CACNA1C: variants seen among roughly 807,000 people sequenced by gnomAD.
CACNA1C encodes the protein calcium voltage-gated channel subunit alpha1 C, also known as voltage-dependent L-type calcium channel subunit alpha-1C.
In CACNA1C, 30 loss-of-function variants were observed where a neutral mutation model predicts 229.0. That is an observed-to-expected ratio of 0.13 (90% CI 0.10 to 0.18). The LOEUF (loss-of-function observed/expected upper bound fraction) is 0.18, where lower values mean the gene tolerates loss of function less well. Ranked by LOEUF, CACNA1C falls within the 10% of genes least tolerant of loss-of-function variation. The probability of loss-of-function intolerance (pLI) is 1.00; values close to 1 mark genes in which losing one functional copy is unlikely to be tolerated. For synonymous variants in CACNA1C, 1,114 were observed against 1,132.5 expected, an observed-to-expected ratio of 0.98 and a Z score of 0.33; for missense variants, 1,658 against 2,845.0, an observed-to-expected ratio of 0.58 and a Z score of 9.49.
intron 8 of CACNA1C, among the ~76,000 whole-genome samples, chr12:2,507,373 G>T (rs1279524112): frequency 6.6e-6 from 1 of 152,108 alleles, no homozygotes; most frequent in Non-Finnish European, 1.5e-5. Context: ...ACTCTGAATT[G>T]GTTGCCCCCG....
intron 18 of CACNA1C, among the ~76,000 whole-genome samples, chr12:2,586,961 C>T (rs377433844): frequency 3.3e-5 from 5 of 152,166 alleles, no homozygotes; most frequent in South Asian, 2.1e-4. Flanking sequence ...ATTTCAACGA[C>T]GTACTAGAAT....
At chr12:2,024,431 C>G (rs925012753) in intron 1 of CACNA1C, among the ~76,000 whole-genome samples, 1 of 152,220 alleles carries the variant, frequency 6.6e-6, no homozygotes, top group African/African-American at 2.4e-5. Flanking sequence ...CAGGGTGTCT[C>G]CATGTCAGAC....
At chr12:2,437,956 ATGGT>A (rs758610741) in intron 3 of CACNA1C, among the ~76,000 whole-genome samples, 57 of 119,960 alleles carry the variant, frequency 4.8e-4, no homozygotes, top group Admixed American at 1.8e-3. Context: ...GGTGGTGGTG[ATGGT>A]TGGGATGGTG....
At chr12:2,438,367 G>A (rs2099175074) in intron 3 of CACNA1C, among the ~76,000 whole-genome samples, 1 of 147,748 alleles carries the variant, frequency 6.8e-6, no homozygotes, top group Admixed American at 6.8e-5. Context: ...TAATGATGGT[G>A]GTGGTGGTGA....
chr12:2,184,800 A>G (rs530743576), intron 3 of CACNA1C, among the ~76,000 whole-genome samples: 4 of 152,080 alleles, frequency 2.6e-5, no homozygotes, highest in African/African-American at 4.8e-5. Flanking sequence ...TTGCTTTCCA[A>G]CCCTGCTCAG....
intron 1 of CACNA1C, among the ~76,000 whole-genome samples, chr12:2,024,828 C>T (rs1203141248): frequency 6.6e-6 from 1 of 152,312 alleles, no homozygotes; most frequent in South Asian, 2.1e-4. Context: ...ACCACGAAGA[C>T]CAAAGCAGGC....
Position 2,375,266 on chromosome 12 carries a change from C to T in CACNA1C, c.478-73710C>T, listed in dbSNP as rs145692900. 9.9e-5 allele frequency among the ~76,000 whole-genome samples: 15 copies of T among 152,284 alleles called. No homozygotes were observed. The East Asian group carries it at 2.3e-3, about 24-fold the overall frequency. On this transcript the variant is annotated intron_variant, in intron 3 of 46. Coordinates refer to ENST00000399655, the MANE Select transcript of CACNA1C (RefSeq NM_000719.7). ...AAGGGCTGGCATCTTCCCTGTGCTG[C>T]CTCAGTGGGACAGGTTGGGCTGAGA...
chr12:2,613,003 C>T (rs2078594577), intron 29 of CACNA1C: 1 of 152,132 alleles, frequency 6.6e-6, no homozygotes, highest in African/African-American at 2.4e-5. Flanking sequence ...GTAGTTTTCC[C>T]AGAGGCAACA....
At chr12:2,199,645 C>A in intron 3 of CACNA1C, among the ~76,000 whole-genome samples, 1 of 152,058 alleles carries the variant, frequency 6.6e-6, no homozygotes, top group East Asian at 1.9e-4. Context: ...CGCCCCCAGT[C>A]CCCACATTGT....
intron 3 of CACNA1C, among the ~76,000 whole-genome samples, chr12:2,385,617 T>C (rs1312463452): frequency 6.6e-6 from 1 of 152,072 alleles, no homozygotes; most frequent in African/African-American, 2.4e-5. Context: ...CTCCCTCCAT[T>C]CTTAGTTCAC....
chr12:2,415,864 C>T (rs908708689), intron 3 of CACNA1C, among the ~76,000 whole-genome samples: 3 of 152,194 alleles, frequency 2.0e-5, no homozygotes, highest in African/African-American at 7.2e-5. Context: ...CTTTCCCTGG[C>T]CAGCTCTTAT....
intron 3 of CACNA1C, among the ~76,000 whole-genome samples, chr12:2,312,309 C>T (rs532359739): frequency 2.8e-4 from 43 of 152,306 alleles, no homozygotes; most frequent in African/African-American, 9.4e-4. Context: ...ACTTCAGTAT[C>T]CTGCAGCGTG....
At chr12:2,110,383 C>T (rs576068202) in intron 1 of CACNA1C, among the ~76,000 whole-genome samples, 25 of 152,250 alleles carry the variant, frequency 1.6e-4, no homozygotes, top group East Asian at 5.8e-4. Context: ...GCCTGATCTG[C>T]GAGGCAGCTG....
At chr12:1,981,574 T>G (rs1288497296) in intron 1 of CACNA1C, among the ~76,000 whole-genome samples, 1 of 152,216 alleles carries the variant, frequency 6.6e-6, no homozygotes, top group African/African-American at 2.4e-5. Context: ...TGAACATATA[T>G]GTTTACATGT....
At chr12:2,499,718 C>G (rs913342706) in intron 7 of CACNA1C, among the ~76,000 whole-genome samples, 2 of 152,148 alleles carry the variant, frequency 1.3e-5, no homozygotes, top group African/African-American at 2.4e-5. Context: ...TTAGGAAAGT[C>G]AGGAGACCTG....
chr12:2,450,513 C>A (rs1274930259), intron 4 of CACNA1C, among the ~76,000 whole-genome samples: 2 of 124,710 alleles, frequency 1.6e-5, no homozygotes, highest in African/African-American at 6.5e-5. Context: ...GAGATCATGC[C>A]ACTGCACTCC....
intron 3 of CACNA1C, among the ~76,000 whole-genome samples, chr12:2,227,911 C>G (rs1029069156): frequency 6.6e-6 from 1 of 152,088 alleles, no homozygotes; most frequent in African/African-American, 2.4e-5. Context: ...TTTTAAACAC[C>G]TGACTTTAAA....
intron 3 of CACNA1C, among the ~76,000 whole-genome samples, chr12:2,265,978 C>G (rs1032295412): frequency 6.6e-6 from 1 of 152,256 alleles, no homozygotes; most frequent in Non-Finnish European, 1.5e-5. Flanking sequence ...TAATGACATC[C>G]AAACACCCAC....
intron 3 of CACNA1C, among the ~76,000 whole-genome samples, chr12:2,284,982 C>T (rs1186991076): frequency 2.0e-5 from 3 of 152,190 alleles, no homozygotes; most frequent in Non-Finnish European, 4.4e-5. Flanking sequence ...CTCTGGTGGG[C>T]GATGCCCTTC....
Sources: allele counts gnomAD v4.1 joint callset (sites outside exome capture counted in the v4.1 genomes callset), GRCh38; gene constraint gnomAD v4.1.1; transcripts MANE v1.5; gene names NCBI Gene and HGNC (gene_info 2026-07-23, HGNC 2026-07-21).